Variants in CHD9 observed in about 807,000 individuals in gnomAD.
CHD9 encodes ATP-dependent chromatin remodeler CHD9.
CHD9 carries 77 observed loss-of-function variants against 316.1 expected under a neutral mutation model. The ratio of observed to expected loss-of-function variants is 0.24; its 90% CI spans 0.20 to 0.29. CHD9 has a LOEUF of 0.29. CHD9 is among the 10% of genes least tolerant of loss of function. CHD9 has a pLI of 1.00. For missense variants in CHD9, 2,763 were observed against 3,438.1 expected (o/e 0.80, Z 4.91); for synonymous variants, 1,129 against 1,158.3 (o/e 0.97, Z 0.51).
intron 2 of CHD9, 95 bp from the exon 3 acceptor site, chr16:53,209,387 C>T: frequency 6.9e-6 from 6 of 875,256 alleles, no homozygotes; most frequent in African/African-American, 1.7e-5. Context: ...TGTAATTTTA[C>T]CTCTCTAAAC....
intron 16 of CHD9, among the ~76,000 whole-genome samples, 181 bp from the exon 17 acceptor site, chr16:53,249,690 T>C (rs960910752): frequency 2.6e-5 from 4 of 152,208 alleles, no homozygotes; most frequent in Non-Finnish European, 5.9e-5. Context: ...ATATTAGTTT[T>C]TGTTTTCTCC....
chr16:53,127,726 G>A (rs1408861819), intron 1 of CHD9, among the ~76,000 whole-genome samples: 2 of 152,054 alleles, frequency 1.3e-5, no homozygotes, highest in African/African-American at 4.8e-5. Context: ...TTCAAGACCA[G>A]CCTGGCCAAC....
intron 26 of CHD9, 141 bp from the exon 27 acceptor site, chr16:53,287,816 G>A: frequency 1.6e-6 from 1 of 643,918 alleles, no homozygotes; most frequent in Non-Finnish European, 2.8e-6. Flanking sequence ...CCTTCCTGCT[G>A]TGTCTTGGGC....
chr16:53,221,622 C>G (rs1372484239), intron 3 of CHD9, among the ~76,000 whole-genome samples: 1 of 152,038 alleles, frequency 6.6e-6, no homozygotes, highest in Non-Finnish European at 1.5e-5. Context: ...TTTTAGATAG[C>G]TCCATCTGGT....
chr16:53,072,350 C>T (rs2034147450), intron 1 of CHD9, among the ~76,000 whole-genome samples: 1 of 148,926 alleles, frequency 6.7e-6, no homozygotes, highest in African/African-American at 2.5e-5. Flanking sequence ...GGGATCCCTG[C>T]AATATTTTTT....
At chr16:53,148,084 G>A (rs2040781266) in intron 1 of CHD9, among the ~76,000 whole-genome samples, 1 of 152,022 alleles carries the variant, frequency 6.6e-6, no homozygotes, top group African/African-American at 2.4e-5. Context: ...GTGGGCGCCT[G>A]TAAGCCCAGC....
At chr16:53,261,991 A>C (rs1439323403) in intron 19 of CHD9, among the ~76,000 whole-genome samples, 1 of 152,142 alleles carries the variant, frequency 6.6e-6, no homozygotes, top group Non-Finnish European at 1.5e-5. Flanking sequence ...TATCTTTTTA[A>C]TGTGGGATTT....
intron 26 of CHD9, 21 bp from the exon 27 acceptor site, chr16:53,287,936 C>T (rs373836825): frequency 1.3e-6 from 2 of 1,578,074 alleles, no homozygotes; most frequent in Non-Finnish European, 1.7e-6. Flanking sequence ...GTAATTATAG[C>T]ATTTGTTTGT....
At chr16:53,222,566 A>C in intron 3 of CHD9, 78 bp from the exon 4 acceptor site, 1 of 691,668 alleles carries the variant, frequency 1.4e-6, no homozygotes, top group South Asian at 1.8e-5. Context: ...AAGAAAGTTT[A>C]TCATGACAAT....
intron 33 of CHD9, among the ~76,000 whole-genome samples, chr16:53,308,297 T>C (rs928871003): frequency 1.3e-5 from 2 of 152,232 alleles, no homozygotes; most frequent in South Asian, 4.1e-4. Flanking sequence ...GTTATCAGTA[T>C]TGTTTCATTT....
chr16:53,245,757 T>C lies in CHD9; in HGVS notation c.3361T>C (p.Leu1121=), dbSNP rs2049530099. 1.2e-6 allele frequency: 2 copies of C among 1,611,388 alleles called. No homozygotes were observed. Among genetic ancestry groups the C allele is most frequent in the Non-Finnish European group, 1.7e-6 (2 of 1,178,988 alleles). Residue 1121 remains leucine (L), a synonymous_variant, in exon 15 of 39, where the codon TTA becomes CTA. Coordinates refer to ENST00000447540, the MANE Select transcript of CHD9 (RefSeq NM_001308319.2). This position sits in a 1 kb window ranked among gnomAD's most constrained non-coding sequence, Gnocchi z 4.1. The stretch of plus-strand genomic sequence containing the variant: ...TATCTTGGAAAAGAACTTTTCTTTT[T>C]TATCCAAAGGAGCAGGACAAACTAA... The part of the protein sequence containing the change: ...RAILEKNFSF[L]SKGAGQTNVP...
chr16:53,282,474 T>C (rs190962415), intron 24 of CHD9, among the ~76,000 whole-genome samples: 61 of 152,158 alleles, frequency 4.0e-4, no homozygotes, highest in African/African-American at 1.3e-3. Flanking sequence ...GGTGCGGTAG[T>C]GCATGCCTGT....
At chr16:53,270,241 G>A (rs2052114448) in intron 22 of CHD9, among the ~76,000 whole-genome samples, 2 of 148,666 alleles carry the variant, frequency 1.3e-5, no homozygotes, top group East Asian at 4.0e-4. Flanking sequence ...GAGCTCAAGT[G>A]ATCCTCCTGC....
chr16:53,105,153 ATTAAGT>A (rs1470278942), intron 1 of CHD9, among the ~76,000 whole-genome samples: 1 of 152,068 alleles, frequency 6.6e-6, no homozygotes. Flanking sequence ...TCTTTAAAAT[ATTAAGT>A]TTATTTATTT....
chr16:53,094,641 CTTT>C (rs902726569), intron 1 of CHD9, among the ~76,000 whole-genome samples: 5 of 136,792 alleles, frequency 3.7e-5, no homozygotes, highest in Admixed American at 7.5e-5. Flanking sequence ...TTTACTTTTT[CTTT>C]TTTTTTTTTT....
intron 1 of CHD9, among the ~76,000 whole-genome samples, chr16:53,133,570 G>A (rs1372826246): frequency 6.6e-6 from 1 of 151,994 alleles, no homozygotes; most frequent in Admixed American, 6.6e-5. Flanking sequence ...TGACATCCGT[G>A]AGCCTTAGTT....
At chr16:53,271,517 C>T (rs367625385) in intron 22 of CHD9, among the ~76,000 whole-genome samples, 24 of 150,414 alleles carry the variant, frequency 1.6e-4, no homozygotes, top group Admixed American at 4.0e-4. Context: ...TGCAGTGAGC[C>T]GAGATCACGC....
At chr16:53,267,587 A>G in intron 21 of CHD9, 97 bp downstream of exon 21, 1 of 891,864 alleles carries the variant, frequency 1.1e-6, no homozygotes. Context: ...TCTTCTTAGA[A>G]TCATTAAAAT....
intron 36 of CHD9, among the ~76,000 whole-genome samples, chr16:53,317,439 A>G (rs2056970348): frequency 1.3e-5 from 2 of 152,156 alleles, no homozygotes; most frequent in Admixed American, 6.5e-5. Flanking sequence ...GAGAAGTAGC[A>G]TGGTTTGATT....
Sources: gnomAD v4.1 joint callset for allele counts (sites outside exome capture counted in the v4.1 genomes callset) on GRCh38, gnomAD v4.1.1 for gene constraint, Gnocchi (gnomAD v3.1) non-coding constraint, MANE v1.5 for transcripts, NCBI Gene and HGNC (gene_info 2026-07-23, HGNC 2026-07-21) for gene names.